The following STKLD1 variants were observed in gnomAD, a reference collection of about 807,000 sequenced individuals.
STKLD1 encodes the protein serine/threonine kinase like domain containing 1.
STKLD1 carries 79 observed loss-of-function variants against 80.4 expected under a neutral mutation model. That is an observed-to-expected ratio of 0.98 (90% CI 0.82 to 1.19). The LOEUF (loss-of-function observed/expected upper bound fraction) is 1.19, where lower values mean the gene tolerates loss of function less well. Among genes scored for constraint, STKLD1 ranks in the 50% most tolerant of loss-of-function variants. The pLI is 0.00. For synonymous variants in STKLD1, 393 were observed against 357.6 expected, an observed-to-expected ratio of 1.10 and a Z score of -1.12; for missense variants, 841 against 856.0, an observed-to-expected ratio of 0.98 and a Z score of 0.22.
intron 11 of STKLD1, 77 bp from the exon 12 acceptor site, chr9:133,400,333 GCCT>G (rs986756802): frequency 8.8e-6 from 9 of 1,025,918 alleles, no homozygotes; most frequent in African/African-American, 3.1e-5. Context: ...GCTCCTACCA[GCCT>G]CTGGGGGCCC....
intron 11 of STKLD1, among the ~76,000 whole-genome samples, chr9:133,399,123 G>A (rs1444821963): frequency 6.6e-6 from 1 of 152,166 alleles, no homozygotes; most frequent in Non-Finnish European, 1.5e-5. Flanking sequence ...CAAAGTGTTG[G>A]GATTACAGGC....
chr9:133,393,397 TGGATGGGTGTGTGGTTAGAG>T (rs1838468533), intron 7 of STKLD1, among the ~76,000 whole-genome samples: 1 of 132,224 alleles, frequency 7.6e-6, no homozygotes, highest in Non-Finnish European at 1.6e-5. Flanking sequence ...AGTAGATGGA[TGGATGGGTGTGTGGTTAGAG>T]GGATGGGTGT....
rs964316317 is a variant in STKLD1 at position 133,389,055 on chromosome 9, G to T, written c.397-471G>T. On this transcript the variant is annotated intron_variant, in intron 5 of 17. Coordinates refer to ENST00000371957, the MANE Select transcript of STKLD1 (RefSeq NM_153710.5). This position sits in a 1 kb window ranked among gnomAD's most constrained non-coding sequence, Gnocchi z 6.4. ...AGGAGCCCAGCTTTAGAATCACCGC[G>T]CTGGGTACTCGATGGAGCTTGTCTC... The T allele has an allele frequency of 3.0e-6, 3 of 985,218 alleles. No individual in the cohort carries two copies. The highest frequency in any genetic ancestry group is 1.7e-5 in the African/African-American group (1 of 57,200). The allele number at this position is 985,218 out of a possible 1,614,324, so 61.0% of individuals were successfully genotyped here.
At chr9:133,398,543 C>A (rs1554777055) in intron 11 of STKLD1, among the ~76,000 whole-genome samples, 1 of 152,190 alleles carries the variant, frequency 6.6e-6, no homozygotes, top group African/African-American at 2.4e-5. Flanking sequence ...CCTTGAGAAG[C>A]CAAGGCGGGA....
chr9:133,379,219 C>A (rs587772791), intron 2 of STKLD1, 97 bp downstream of exon 2: 6 of 1,052,996 alleles, frequency 5.7e-6, no homozygotes, highest in African/African-American at 3.2e-5. Context: ...CTTCCTGATG[C>A]GGCAGCTGGA....
chr9:133,399,746 G>A (rs1313168618), intron 11 of STKLD1, among the ~76,000 whole-genome samples: 2 of 152,188 alleles, frequency 1.3e-5, no homozygotes, highest in Non-Finnish European at 2.9e-5. Context: ...AGACGTGGTG[G>A]CGCATGCCTG....
At chr9:133,393,490 G>A (rs1412618423) in intron 7 of STKLD1, among the ~76,000 whole-genome samples, 2 of 149,998 alleles carry the variant, frequency 1.3e-5, no homozygotes, top group Non-Finnish European at 3.0e-5. Context: ...TGGATGGGTG[G>A]GTGGGTGCAT....
At position 133,405,265 on chromosome 9, in the gene STKLD1, G is replaced by A. The variant is rs376219363; in HGVS notation, c.1887G>A (p.Pro629=). ...CTCCACCTGCAGAGGAGATCCTGCCGGAGCTGGTGTCCAGTAGTATGAAGG... is the reference window on the plus strand; with the variant it reads ...CTCCACCTGCAGAGGAGATCCTGCCAGAGCTGGTGTCCAGTAGTATGAAGG... ...VHLASYEEIL[P]ELVSSSMKAL... is the part of the protein sequence containing the mutation. The change falls in exon 18 of 18, where the codon CCG becomes CCA. Residue 629 remains proline (P), a synonymous_variant. Transcript: ENST00000371957. The A allele has an allele frequency of 1.0e-4, 163 of 1,607,250 alleles. No individual in the cohort carries two copies. Among genetic ancestry groups the A allele is most frequent in the Non-Finnish European group, 1.3e-4 (149 of 1,176,642 alleles).
chr9:133,392,699 ATGAGTG>A (rs1838436088), intron 7 of STKLD1, among the ~76,000 whole-genome samples: 1 of 82,928 alleles, frequency 1.2e-5, no homozygotes, highest in Non-Finnish European at 2.3e-5. Context: ...AGGTGAGTGG[ATGAGTG>A]GATGGATGGA....
chr9:133,383,241 T>C (rs1371271161), intron 2 of STKLD1, among the ~76,000 whole-genome samples: 1 of 139,896 alleles, frequency 7.1e-6, no homozygotes, highest in Non-Finnish European at 1.6e-5. Context: ...ATAGTGATGA[T>C]GGTGATGGTG....
Position 133,398,024 on chromosome 9 carries a change from G to C in STKLD1, c.1050G>C (p.Lys350Asn), listed in dbSNP as rs965784980. 6.2e-7 allele frequency: 1 copy of C among 1,613,700 alleles called. No homozygotes were observed. The highest frequency in any genetic ancestry group is 8.5e-7 in the Non-Finnish European group (1 of 1,179,936). Reference protein sequence around the residue: ...GWPEVQLRAMKRLLKMPADQL... With the variant: ...GWPEVQLRAMNRLLKMPADQL... ...CCGAAGTCCAGCTCAGGGCCATGAA[G>C]AGGCTTCTGAAAATGCCTGCAGATC... The change falls in exon 11 of 18, where the codon AAG (lysine) becomes AAC (asparagine). Residue 350 changes from lysine (K) to asparagine (N), a missense_variant. Physicochemically the swap from Lys to Asn is moderately conservative, Grantham distance 94. Transcript: ENST00000371957.
rs782696656 is a variant in STKLD1 at position 133,398,049 on chromosome 9, C to G, written c.1075C>G (p.Gln359Glu). Residue 359 changes from glutamine to glutamate, a missense_variant, in exon 11 of 18, where the codon CAG (glutamine) becomes GAG (glutamate). Transcript: ENST00000371957. ...GAGGCTTCTGAAAATGCCTGCAGAT[C>G]AGCTAGGTAGGCCCCACCCTGCACC... ...MKRLLKMPAD[Q>E]LGLPWPPELV... 6.2e-7 allele frequency: 1 copy of G among 1,613,512 alleles called. No homozygotes were observed. Among genetic ancestry groups the G allele is most frequent in the South Asian group, 1.1e-5 (1 of 91,020 alleles).
chr9:133,398,204 G>A (rs930439966), intron 11 of STKLD1, 149 bp downstream of exon 11: 3 of 649,382 alleles, frequency 4.6e-6, no homozygotes, highest in Non-Finnish European at 7.8e-6. Flanking sequence ...GTCCCCAGAA[G>A]AGTCCCGTGT....
In STKLD1 at chr9:133,389,299, T is replaced by C. The variant is rs1000910768; in HGVS notation, c.397-227T>C. 4 of 985,032 alleles carry C rather than the reference T, an allele frequency of 4.1e-6. No individual in the cohort carries two copies. The highest frequency in any genetic ancestry group is 1.1e-4 in the East Asian group (1 of 8,796). 61.0% of individuals were successfully genotyped at this position (985,032 alleles called of 1,614,324 possible). ...AGGGTCTCTGGTATGGAGACAGCAG[T>C]GTGGAGTCTGGAAACTCAGAGTCCT... On this transcript the variant is annotated intron_variant, in intron 5 of 17. Transcript: ENST00000371957. The surrounding 1 kb of genome is among the most constrained non-coding windows in gnomAD (Gnocchi z 6.4).
intron 2 of STKLD1, 112 bp from the exon 3 acceptor site, chr9:133,383,744 A>G: frequency 1.1e-6 from 1 of 918,508 alleles, no homozygotes; most frequent in Non-Finnish European, 1.8e-6. Context: ...GTTGTGGTGG[A>G]GGTGGTGGCT....
At chr9:133,381,701 C>T (rs2130266875) in intron 2 of STKLD1, among the ~76,000 whole-genome samples, 2 of 152,200 alleles carry the variant, frequency 1.3e-5, no homozygotes, top group Non-Finnish European at 2.9e-5. Flanking sequence ...CCGCCTGCCT[C>T]GGCCTCCCTA....
rs1176273089 is a variant in STKLD1, at chr9:133,398,075, C to T, written c.1081+20C>T. 2.5e-6 allele frequency: 4 copies of T among 1,608,934 alleles called. No homozygotes were observed. The Admixed American group carries it at 6.7e-5, about 27-fold the overall frequency. On this transcript the variant is annotated intron_variant, in intron 11 of 17. Transcript: ENST00000371957. The stretch of plus-strand genomic sequence containing the variant: ...AGCTAGGTAGGCCCCACCCTGCACC[C>T]CTTTCCCAGCTGCTCCCCTAGGGGC...
intron 13 of STKLD1, 51 bp from the exon 14 acceptor site, chr9:133,402,824 GGAA>G: frequency 6.4e-7 from 1 of 1,566,552 alleles, no homozygotes; most frequent in Non-Finnish European, 8.7e-7. Flanking sequence ...AACAGAGGCA[GGAA>G]GGCTTCCTGG....
intron 2 of STKLD1, among the ~76,000 whole-genome samples, chr9:133,379,689 G>A (rs907854524): frequency 1.3e-5 from 2 of 152,236 alleles, no homozygotes; most frequent in African/African-American, 4.8e-5. Flanking sequence ...ATGGGGAGGT[G>A]TAGGCCTGCA....
Sources: allele counts gnomAD v4.1 joint callset (sites outside exome capture counted in the v4.1 genomes callset), GRCh38; gene constraint gnomAD v4.1.1; non-coding constraint Gnocchi (gnomAD v3.1); transcripts MANE v1.5; gene names NCBI Gene and HGNC (gene_info 2026-07-23, HGNC 2026-07-21).